The following CA10 variants were observed in gnomAD, a reference collection of about 807,000 sequenced individuals.
CA10 encodes carbonic anhydrase 10 (inactive), also known as carbonic anhydrase-related protein 10.
In CA10, 14 loss-of-function variants were observed where a neutral mutation model predicts 44.2. That is an observed-to-expected ratio of 0.32 (90% CI 0.21 to 0.50). The LOEUF (loss-of-function observed/expected upper bound fraction) is 0.50, where lower values mean the gene tolerates loss of function less well. Ranked by LOEUF, CA10 falls within the 20% of genes least tolerant of loss-of-function variation. The probability of loss-of-function intolerance (pLI) is 0.99; values close to 1 mark genes in which losing one functional copy is unlikely to be tolerated. For missense variants in CA10, 350 were observed against 409.7 expected, an observed-to-expected ratio of 0.85 and a Z score of 1.26; for synonymous variants, 159 against 141.6, an observed-to-expected ratio of 1.12 and a Z score of -0.87.
intron 3 of CA10, among the ~76,000 whole-genome samples, chr17:51,856,480 G>T (rs567201961): frequency 6.6e-6 from 1 of 152,030 alleles, no homozygotes; most frequent in Non-Finnish European, 1.5e-5. Context: ...GTAAGTGGCC[G>T]CCAAGGAGCA....
intron 1 of CA10, among the ~76,000 whole-genome samples, chr17:52,097,086 T>C (rs1448888148): frequency 9.0e-6 from 1 of 110,820 alleles, no homozygotes; most frequent in Non-Finnish European, 2.0e-5. Flanking sequence ...GTAGATCTCA[T>C]TGTTTATGAA....
At chr17:52,099,058 G>GAGGGTGGC (rs1265593940) in intron 1 of CA10, among the ~76,000 whole-genome samples, 2 of 152,166 alleles carry the variant, frequency 1.3e-5, no homozygotes, top group Non-Finnish European at 2.9e-5. Flanking sequence ...AGCAAGAGGT[G>GAGGGTGGC]AGGGTGGCAG....
At chr17:51,794,855 T>G (rs1598048573) in intron 3 of CA10, among the ~76,000 whole-genome samples, 1 of 152,214 alleles carries the variant, frequency 6.6e-6, no homozygotes, top group South Asian at 2.1e-4. Flanking sequence ...ACTTGAGGAT[T>G]TTCAAACATG....
intron 4 of CA10, among the ~76,000 whole-genome samples, chr17:51,738,615 T>G (rs1203814646): frequency 1.3e-5 from 2 of 152,164 alleles, no homozygotes; most frequent in Admixed American, 6.5e-5. Flanking sequence ...CAGGGGTGAT[T>G]TGGTGATTTC....
chr17:52,132,090 GCATAGCACATGTATA>G (rs1393946136), intron 1 of CA10, among the ~76,000 whole-genome samples: 9 of 151,760 alleles, frequency 5.9e-5, no homozygotes, highest in African/African-American at 9.7e-5. Flanking sequence ...CAGCACACCA[GCATAGCACATGTATA>G]CATAGCACAT....
chr17:51,749,821 G>A (rs974889333), intron 3 of CA10, among the ~76,000 whole-genome samples: 5 of 152,276 alleles, frequency 3.3e-5, no homozygotes, highest in African/African-American at 4.8e-5. Flanking sequence ...ACTGGGGAAC[G>A]GGGGAGGGAA....
intron 2 of CA10, among the ~76,000 whole-genome samples, chr17:52,024,173 G>T (rs1598172215): frequency 6.6e-6 from 1 of 151,960 alleles, no homozygotes; most frequent in East Asian, 1.9e-4. Flanking sequence ...CACATTATCT[G>T]GTTCTCTGCA....
At chr17:51,723,697 T>A (rs1241087196) in intron 4 of CA10, among the ~76,000 whole-genome samples, 4 of 152,264 alleles carry the variant, frequency 2.6e-5, no homozygotes, top group African/African-American at 9.6e-5. Flanking sequence ...GTCATTCAGA[T>A]AGCATGCTTG....
intron 1 of CA10, among the ~76,000 whole-genome samples, chr17:52,100,538 A>G (rs1988514062): frequency 6.6e-6 from 1 of 152,222 alleles, no homozygotes; most frequent in African/African-American, 2.4e-5. Flanking sequence ...GGCAAGAAAG[A>G]GGTAAGCAAC....
rs545905423 is a variant in CA10 at position 51,652,585 on chromosome 17, A to G, written c.561+1056T>C. ...CAGTGCATAGGTCTGCCCTGATCTG[A>G]CCAAGGGGAGGGTGAGGAAGTTAGG... is the stretch of plus-strand genomic sequence containing the variant. On this transcript the variant is annotated intron_variant, in intron 5 of 8. Transcript: ENST00000451037. Among the ~76,000 whole-genome samples, 4 of 152,330 alleles carry G rather than the reference A, an allele frequency of 2.6e-5. No homozygotes were observed. In the East Asian group the frequency reaches 7.7e-4, roughly 29 times the overall value.
intron 4 of CA10, among the ~76,000 whole-genome samples, chr17:51,717,204 T>A (rs59665015): frequency 0.011 from 1,627 of 152,082 alleles, 41 homozygotes; most frequent in African/African-American, 0.036. Flanking sequence ...GGTGCTAGAA[T>A]TTTTTAGCAT....
intron 2 of CA10, among the ~76,000 whole-genome samples, chr17:52,048,044 T>TCAA (rs1986960690): frequency 6.7e-6 from 1 of 149,422 alleles, no homozygotes; most frequent in Non-Finnish European, 1.5e-5. Context: ...CCACAAAAAT[T>TCAA]AAAAAAAAAA....
At chr17:51,910,383 T>C (rs960819669) in intron 3 of CA10, among the ~76,000 whole-genome samples, 12 of 152,194 alleles carry the variant, frequency 7.9e-5, no homozygotes, top group African/African-American at 2.9e-4. Context: ...CAGCTGTTCC[T>C]GATGGTGCAC....
chr17:51,750,300 A>G (rs538367142), intron 3 of CA10, among the ~76,000 whole-genome samples: 40 of 152,196 alleles, frequency 2.6e-4, no homozygotes, highest in African/African-American at 9.4e-4. Flanking sequence ...ATTTAATGAG[A>G]TTTTATATAT....
intron 2 of CA10, among the ~76,000 whole-genome samples, chr17:52,028,709 A>G (rs1986374262): frequency 6.6e-6 from 1 of 152,184 alleles, no homozygotes; most frequent in Non-Finnish European, 1.5e-5. Context: ...GAGCCAGTGT[A>G]TTGCAAAGGG....
rs561666427 is a variant in CA10 at position 51,762,077 on chromosome 17, T to G, written c.280-14259A>C. The G allele has an allele frequency of 5.3e-5, 8 of 152,370 alleles. No homozygotes were observed. The East Asian group carries it at 5.8e-4, about 11-fold the overall frequency. 9.4% of individuals were successfully genotyped at this position (152,370 alleles called of 1,614,324 possible). On this transcript the variant is annotated intron_variant, in intron 3 of 8. Transcript: ENST00000451037. ...AGCTCTATATGGCTGCAACTATGCA[T>G]GCATTAGCAACTTGATCCTTGCCAC...
chr17:51,872,099 C>A (rs967480233), intron 3 of CA10, among the ~76,000 whole-genome samples: 1 of 152,100 alleles, frequency 6.6e-6, no homozygotes, highest in Admixed American at 6.5e-5. Flanking sequence ...AGAAACAGCA[C>A]GTTAAAGACA....
rs187347622 is a variant in CA10 at position 51,961,244 on chromosome 17, A to C, written c.137-30112T>G. The stretch of plus-strand genomic sequence containing the variant: ...ACACACACAGAGTTTCTTTTGTGGA[A>C]ACTGACTGATACACCTCATATTAAA... On this transcript the variant is annotated intron_variant, in intron 2 of 8. Transcript: ENST00000451037. Among the ~76,000 whole-genome samples the C allele has an allele frequency of 1.9e-3, 282 of 151,274 alleles. 2 individuals are homozygous for C. Among genetic ancestry groups the C allele is most frequent in the Middle Eastern group, 3.4e-3 (1 of 294 alleles).
Position 51,909,732 on chromosome 17 carries a change from C to G in CA10, c.279+21258G>C, listed in dbSNP as rs914383824. On this transcript the variant is annotated intron_variant, in intron 3 of 8. Transcript: ENST00000451037. ...TTTCCCAGAAAAAGCATCCTATTCT[C>G]TTAGATCATTTAGTACCTCTGAGAT... 4.6e-5 allele frequency among the ~76,000 whole-genome samples: 7 copies of G among 152,190 alleles called. 1 individual carries two copies. The East Asian group carries it at 1.4e-3, about 29-fold the overall frequency.
Sources: allele counts gnomAD v4.1 joint callset (sites outside exome capture counted in the v4.1 genomes callset), GRCh38; gene constraint gnomAD v4.1.1; transcripts MANE v1.5; gene names NCBI Gene and HGNC (gene_info 2026-07-23, HGNC 2026-07-21).